MAP2: variants seen among roughly 807,000 people sequenced by gnomAD.
The protein encoded by MAP2 is microtubule associated protein 2.
Under a neutral mutation model 137.6 loss-of-function variants are expected in MAP2, and 14 were observed. The ratio of observed to expected loss-of-function variants is 0.10; its 90% confidence interval spans 0.07 to 0.16. The LOEUF (loss-of-function observed/expected upper bound fraction) is 0.16, where lower values mean the gene tolerates loss of function less well. MAP2 is among the 10% of genes least tolerant of loss of function. MAP2 has a pLI of 1.00. For synonymous variants in MAP2, 786 were observed against 782.3 expected, an observed-to-expected ratio of 1.00 and a Z score of -0.08; for missense variants, 2,088 against 2,191.5, an observed-to-expected ratio of 0.95 and a Z score of 0.94.
intron 1 of MAP2, among the ~76,000 whole-genome samples, chr2:209,456,176 G>A (rs1473872716): frequency 6.6e-6 from 1 of 152,122 alleles, no homozygotes; most frequent in African/African-American, 2.4e-5. Flanking sequence ...GTGCTAAATG[G>A]TGAATCCTGT....
intron 3 of MAP2, among the ~76,000 whole-genome samples, chr2:209,584,966 T>C (rs1462535570): frequency 6.6e-6 from 1 of 152,106 alleles, no homozygotes; most frequent in Non-Finnish European, 1.5e-5. Flanking sequence ...CTCTAGTCGC[T>C]AGCAAAATGC....
chr2:209,600,855 T>A (rs1328907090), intron 3 of MAP2, among the ~76,000 whole-genome samples: 1 of 152,172 alleles, frequency 6.6e-6, no homozygotes, highest in Non-Finnish European at 1.5e-5. Flanking sequence ...TATTCCATCA[T>A]TTGAGCTAGG....
At chr2:209,660,004 C>T (rs929270412) in intron 5 of MAP2, among the ~76,000 whole-genome samples, 6 of 152,052 alleles carry the variant, frequency 3.9e-5, no homozygotes, top group Non-Finnish European at 8.8e-5. Context: ...CGCCACTGCA[C>T]TCCAGCCTGG....
chr2:209,669,717 A>C (rs1334677602), intron 5 of MAP2, among the ~76,000 whole-genome samples: 1 of 151,890 alleles, frequency 6.6e-6, no homozygotes, highest in East Asian at 1.9e-4. Context: ...GTATCCATGT[A>C]CAGATGAGAC....
chr2:209,603,285 C>A (rs1324248662), intron 3 of MAP2, among the ~76,000 whole-genome samples: 1 of 152,140 alleles, frequency 6.6e-6, no homozygotes, highest in Non-Finnish European at 1.5e-5. Context: ...ATTATTTTTT[C>A]TACCTACCAT....
chr2:209,524,459 T>G (rs889846250), intron 2 of MAP2, among the ~76,000 whole-genome samples: 10 of 152,126 alleles, frequency 6.6e-5, no homozygotes. Context: ...GCTGTTAGCT[T>G]TATGATAATT....
chr2:209,656,384 C>T (rs1227652168), intron 5 of MAP2, among the ~76,000 whole-genome samples: 1 of 152,008 alleles, frequency 6.6e-6, no homozygotes, highest in Non-Finnish European at 1.5e-5. Flanking sequence ...TGTCACACAC[C>T]TGTGGTCCCA....
intron 1 of MAP2, among the ~76,000 whole-genome samples, chr2:209,473,602 GTA>G (rs1230022211): frequency 6.6e-6 from 1 of 151,902 alleles, no homozygotes; most frequent in African/African-American, 2.4e-5. Flanking sequence ...ATACTTAGGG[GTA>G]TAGAAACAGA....
At chr2:209,602,352 A>G (rs2083257097) in intron 3 of MAP2, among the ~76,000 whole-genome samples, 1 of 152,168 alleles carries the variant, frequency 6.6e-6, no homozygotes, top group African/African-American at 2.4e-5. Context: ...AAAGGATGCA[A>G]AGGTATACTT....
At chr2:209,519,055 G>T (rs914236916) in intron 2 of MAP2, among the ~76,000 whole-genome samples, 1 of 152,064 alleles carries the variant, frequency 6.6e-6, no homozygotes. Context: ...AATCAAAATT[G>T]TTGAGGGAAT....
chr2:209,698,331 A>T (rs796423258), intron 10 of MAP2, among the ~76,000 whole-genome samples: 1 of 152,176 alleles, frequency 6.6e-6, no homozygotes, highest in African/African-American at 2.4e-5. Context: ...TACTAGGATA[A>T]TCTTACCTTA....
chr2:209,598,079 C>T (rs2081826868), intron 3 of MAP2, among the ~76,000 whole-genome samples: 1 of 152,042 alleles, frequency 6.6e-6, no homozygotes, highest in Admixed American at 6.6e-5. Flanking sequence ...AACCTTGGCT[C>T]ACTGCAACCT....
chr2:209,712,662 C>T (rs967406884), intron 13 of MAP2, among the ~76,000 whole-genome samples: 1 of 152,116 alleles, frequency 6.6e-6, no homozygotes, highest in East Asian at 1.9e-4. Context: ...GTAGGAAAAA[C>T]ATATCATTCA....
chr2:209,608,485 C>A (rs556010766), intron 3 of MAP2, among the ~76,000 whole-genome samples: 4 of 152,060 alleles, frequency 2.6e-5, no homozygotes, highest in Admixed American at 2.0e-4. Context: ...TGGGATCTCG[C>A]TATGTTGTCC....
intron 5 of MAP2, among the ~76,000 whole-genome samples, chr2:209,674,463 G>A (rs1229291632): frequency 2.6e-5 from 4 of 151,698 alleles, no homozygotes; most frequent in Non-Finnish European, 5.9e-5. Context: ...ATAAGGCATC[G>A]AAGCAAAATG....
intron 2 of MAP2, among the ~76,000 whole-genome samples, chr2:209,524,694 C>T (rs2063767137): frequency 6.6e-6 from 1 of 152,048 alleles, no homozygotes; most frequent in African/African-American, 2.4e-5. Context: ...ACTCAGGAAC[C>T]TTTTCATCAT....
chr2:209,593,495 G>T (rs115510738), intron 3 of MAP2, among the ~76,000 whole-genome samples: 2,930 of 146,658 alleles, frequency 0.02, 93 homozygotes, highest in African/African-American at 0.068. Context: ...TCAAGATGCA[G>T]GTATCAGCAG....
At chr2:209,581,383 A>G (rs1014375450) in intron 3 of MAP2, among the ~76,000 whole-genome samples, 2 of 152,192 alleles carry the variant, frequency 1.3e-5, no homozygotes, top group Non-Finnish European at 2.9e-5. Flanking sequence ...GAGAAAGGAA[A>G]TTGCATTATT....
At chr2:209,439,447 T>TA (rs1697207609) in intron 1 of MAP2, among the ~76,000 whole-genome samples, 1 of 151,566 alleles carries the variant, frequency 6.6e-6, no homozygotes, top group African/African-American at 2.4e-5. Context: ...AAGTTGAAAC[T>TA]AAACTATGAC....
Sources: gnomAD v4.1 joint callset for allele counts (sites outside exome capture counted in the v4.1 genomes callset) on GRCh38, gnomAD v4.1.1 for gene constraint, MANE v1.5 for transcripts, NCBI Gene and HGNC (gene_info 2026-07-23, HGNC 2026-07-21) for gene names.